Variants in TM9SF3 observed in about 807,000 individuals in gnomAD.
The protein encoded by TM9SF3 is transmembrane 9 superfamily member 3, also known as SM-11044-binding protein.
A neutral mutation model predicts 78.6 loss-of-function variants in TM9SF3; 14 were observed. The observed-to-expected ratio is 0.18, with a 90% CI of 0.12 to 0.28. The LOEUF (loss-of-function observed/expected upper bound fraction) is 0.28, where lower values mean the gene tolerates loss of function less well. Ranked by LOEUF, TM9SF3 falls within the 10% of genes least tolerant of loss-of-function variation. The pLI is 1.00. For missense variants in TM9SF3, 496 were observed against 721.9 expected, an observed-to-expected ratio of 0.69 and a Z score of 3.59; for synonymous variants, 231 against 241.7, an observed-to-expected ratio of 0.96 and a Z score of 0.41.
At chr10:96,559,777 C>G in intron 4 of TM9SF3, 41 bp from the exon 5 acceptor site, 1 of 1,210,664 alleles carries the variant, frequency 8.3e-7, no homozygotes, top group Non-Finnish European at 1.2e-6. Flanking sequence ...GGCCAGTAAA[C>G]AAATTAATAA....
intron 2 of TM9SF3, among the ~76,000 whole-genome samples, chr10:96,571,316 C>T (rs1848434456): frequency 6.6e-6 from 1 of 152,172 alleles, no homozygotes; most frequent in South Asian, 2.1e-4. Flanking sequence ...ACCCTTCATA[C>T]AGCTAGACAC....
intron 9 of TM9SF3, among the ~76,000 whole-genome samples, chr10:96,537,343 G>A (rs776786003): frequency 4.6e-5 from 7 of 152,190 alleles, no homozygotes; most frequent in Non-Finnish European, 1.0e-4. Flanking sequence ...ATAATATGCT[G>A]TACAGGTCTG....
At chr10:96,534,274 G>C (rs1341630048) in intron 9 of TM9SF3, among the ~76,000 whole-genome samples, 1 of 152,178 alleles carries the variant, frequency 6.6e-6, no homozygotes, top group Non-Finnish European at 1.5e-5. Context: ...GAGAATTACA[G>C]AGCTCCATAA....
intron 1 of TM9SF3, among the ~76,000 whole-genome samples, chr10:96,582,190 T>C (rs1002160777): frequency 6.6e-6 from 1 of 152,184 alleles, no homozygotes; most frequent in African/African-American, 2.4e-5. Context: ...AACTATAAAA[T>C]GCTCTAAGAT....
At chr10:96,537,349 G>T (rs1197988068) in intron 9 of TM9SF3, among the ~76,000 whole-genome samples, 1 of 152,148 alleles carries the variant, frequency 6.6e-6, no homozygotes, top group East Asian at 1.9e-4. Flanking sequence ...TGCTGTACAG[G>T]TCTGTAGCCT....
chr10:96,542,261 C>T (rs1848042750), intron 9 of TM9SF3, among the ~76,000 whole-genome samples: 1 of 152,142 alleles, frequency 6.6e-6, no homozygotes, highest in African/African-American at 2.4e-5. Flanking sequence ...CTAATTAAAA[C>T]ATGAGGCCAG....
chr10:96,549,817 T>A (rs2147282), intron 7 of TM9SF3, among the ~76,000 whole-genome samples: 112,870 of 140,370 alleles, frequency 0.8, 45,830 homozygotes, highest in South Asian at 0.86. Context: ...TTCTGCATTT[T>A]AAAAAAAAAA....
chr10:96,563,529 C>A (rs1848334806), intron 3 of TM9SF3, among the ~76,000 whole-genome samples: 1 of 152,126 alleles, frequency 6.6e-6, no homozygotes, highest in African/African-American at 2.4e-5. Flanking sequence ...GTGTGCACCA[C>A]CATGCACAGC....
At chr10:96,532,476 TTA>T (rs59557354) in intron 10 of TM9SF3, among the ~76,000 whole-genome samples, 2,941 of 151,732 alleles carry the variant, frequency 0.019, 54 homozygotes, top group South Asian at 0.064. Flanking sequence ...GACAGAGACT[TTA>T]TATATATATA....
intron 8 of TM9SF3, 109 bp from the exon 9 acceptor site, chr10:96,544,315 C>A: frequency 3.9e-6 from 4 of 1,020,746 alleles, no homozygotes; most frequent in Non-Finnish European, 4.0e-6. Flanking sequence ...ATAATTTCTT[C>A]AAAATAATAG....
At chr10:96,572,186 TACC>T (rs1289140365) in intron 2 of TM9SF3, among the ~76,000 whole-genome samples, 1 of 152,280 alleles carries the variant, frequency 6.6e-6, no homozygotes, top group East Asian at 1.9e-4. Context: ...TATTCCTAAT[TACC>T]ACTTTTCGAA....
intron 10 of TM9SF3, among the ~76,000 whole-genome samples, chr10:96,531,040 C>T (rs760730762): frequency 3.3e-5 from 5 of 152,184 alleles, no homozygotes; most frequent in Non-Finnish European, 5.9e-5. Flanking sequence ...TTTGCTCACT[C>T]TCTCCTTGGT....
Position 96,586,781 on chromosome 10 carries a change from G to T in TM9SF3, c.55C>A (p.Leu19Met). ...GVAAAAALWL[L>M]LLLLPRTRAD... ...CGGGTCCGGGGCAGCAGCAGCAGCAGCAGCCACAGCGCGGCGGCCGCCGCC... is the reference window on the plus strand; with the variant it reads ...CGGGTCCGGGGCAGCAGCAGCAGCATCAGCCACAGCGCGGCGGCCGCCGCC... The change falls in exon 1 of 15, where the codon CTG becomes ATG. Residue 19 changes from leucine (L) to methionine (M), a missense_variant. Coordinates refer to ENST00000371142, the MANE Select transcript of TM9SF3 (RefSeq NM_020123.4). The T allele has an allele frequency of 7.8e-7, 1 of 1,288,442 alleles. No homozygotes were observed. 79.8% of individuals were successfully genotyped at this position (1,288,442 alleles called of 1,614,324 possible).
chr10:96,550,680 T>C (rs1313973011), intron 7 of TM9SF3, among the ~76,000 whole-genome samples: 2 of 152,198 alleles, frequency 1.3e-5, no homozygotes, highest in African/African-American at 4.8e-5. Context: ...TTCTTACAAA[T>C]GGTTTTGTTT....
chr10:96,576,504 G>T, intron 2 of TM9SF3, 130 bp downstream of exon 2: 2 of 865,506 alleles, frequency 2.3e-6, no homozygotes, highest in Non-Finnish European at 3.3e-6. Flanking sequence ...GACTCTGCTA[G>T]ACATCCTAAC....
Position 96,521,098 on chromosome 10 carries a change from C to CT in TM9SF3, c.*1164dup. ...TGTCTCTAAATTACAAATTTGGCTC[C>CT]TGTAGGAGTCTCAGAAAATAAACAG... On this transcript the variant is annotated 3_prime_UTR_variant, in exon 15 of 15. Coordinates refer to ENST00000371142, the MANE Select transcript of TM9SF3 (RefSeq NM_020123.4). 1 of 384,860 alleles carries CT rather than the reference C, an allele frequency of 2.6e-6. No individual in the cohort carries two copies. Among genetic ancestry groups the CT allele is most frequent in the Non-Finnish European group, 4.6e-6 (1 of 216,742 alleles). The allele number at this position is 384,860 out of a possible 1,614,324, so 23.8% of individuals were successfully genotyped here.
intron 2 of TM9SF3, among the ~76,000 whole-genome samples, chr10:96,569,188 T>C (rs998294406): frequency 1.3e-5 from 2 of 152,066 alleles, no homozygotes; most frequent in Non-Finnish European, 2.9e-5. Context: ...AAAAAAAGGA[T>C]TGAAAGTGCC....
intron 5 of TM9SF3, among the ~76,000 whole-genome samples, chr10:96,556,754 T>C (rs537603539): frequency 7.6e-4 from 116 of 152,264 alleles, no homozygotes; most frequent in East Asian, 1.7e-3. Flanking sequence ...CACAAGTCCA[T>C]AATTGCCGTC....
At position 96,528,163 on chromosome 10, in the gene TM9SF3, G is replaced by A. The variant is rs1847859458; in HGVS notation, c.1409C>T (p.Thr470Met). ...SIFIEMYFIF[T>M]SFWAYKIYYV... ...ATAGATCTTATATGCCCAGAAAGAC[G>A]TGAAGATGAAATACCTAAGTAAATG... Residue 470 changes from threonine (T) to methionine (M), a missense_variant, in exon 12 of 15, where the codon ACG becomes ATG. By Grantham distance (81) the Thr-to-Met change is moderately conservative. This residue lies in a region of TM9SF3 where 280 missense variants were observed against 422.6 expected (regional missense o/e 0.66). Transcript: ENST00000371142. 3.1e-6 allele frequency: 5 copies of A among 1,609,354 alleles called. No individual in the cohort carries two copies. The highest frequency in any genetic ancestry group is 4.2e-6 in the Non-Finnish European group (5 of 1,177,294).
Sources: gnomAD v4.1 joint callset for allele counts (sites outside exome capture counted in the v4.1 genomes callset) on GRCh38, gnomAD v4.1.1 for gene constraint, gnomAD v4.1.1 regional missense constraint, MANE v1.5 for transcripts, NCBI Gene and HGNC (gene_info 2026-07-23, HGNC 2026-07-21) for gene names.